Variants in ATP6V1C2 observed in about 807,000 individuals in gnomAD.
ATP6V1C2 encodes V-type proton ATPase subunit C 2.
In ATP6V1C2, 45 loss-of-function variants were observed where a neutral mutation model predicts 56.8. The observed-to-expected ratio is 0.79, with a 90% CI of 0.62 to 1.02. The LOEUF (loss-of-function observed/expected upper bound fraction) is 1.02, where lower values mean the gene tolerates loss of function less well. Ranked by LOEUF, ATP6V1C2 falls within the 50% of genes least tolerant of loss-of-function variation. The pLI, the probability that ATP6V1C2 is intolerant of heterozygous loss-of-function variation, is 0.00. For missense variants in ATP6V1C2, 463 were observed against 519.7 expected (o/e 0.89, Z 1.06); for synonymous variants, 220 against 201.3 (o/e 1.09, Z -0.79).
chr2:10,721,926 C>T (rs1469912603), intron 1 of ATP6V1C2, among the ~76,000 whole-genome samples, 195 bp downstream of exon 1: 2 of 152,230 alleles, frequency 1.3e-5, no homozygotes, highest in Non-Finnish European at 2.9e-5. Flanking sequence ...AGGCCATGGG[C>T]AGTCAAGGCG....
intron 12 of ATP6V1C2, among the ~76,000 whole-genome samples, chr2:10,779,877 A>G (rs1053418979): frequency 1.3e-5 from 2 of 152,046 alleles, no homozygotes; most frequent in Middle Eastern, 3.2e-3. Flanking sequence ...ACAGATTTTT[A>G]TGAAAGTGGA....
intron 3 of ATP6V1C2, among the ~76,000 whole-genome samples, chr2:10,734,721 C>G (rs1360529293): frequency 6.6e-6 from 1 of 152,140 alleles, no homozygotes; most frequent in Admixed American, 6.6e-5. Context: ...ACTCTGTGCC[C>G]TGGGCTTTCC....
intron 6 of ATP6V1C2, 68 bp downstream of exon 6, chr2:10,768,878 C>T (rs1664399975): frequency 1.5e-6 from 2 of 1,335,178 alleles, no homozygotes; most frequent in Non-Finnish European, 2.1e-6. Context: ...CTTGCCTGTC[C>T]TCTCACTGGG....
intron 4 of ATP6V1C2, among the ~76,000 whole-genome samples, chr2:10,758,346 C>T (rs763352380): frequency 4.6e-5 from 7 of 152,164 alleles, no homozygotes; most frequent in Non-Finnish European, 8.8e-5. Flanking sequence ...CAGCAGTGGC[C>T]TCTCTTCTCA....
intron 3 of ATP6V1C2, among the ~76,000 whole-genome samples, chr2:10,752,442 T>C (rs1340230239): frequency 6.6e-6 from 1 of 152,154 alleles, no homozygotes; most frequent in Non-Finnish European, 1.5e-5. Context: ...CCGCTCCTCC[T>C]GCAAACACCA....
intron 3 of ATP6V1C2, among the ~76,000 whole-genome samples, chr2:10,741,786 T>C (rs1662563872): frequency 6.6e-6 from 1 of 152,038 alleles, no homozygotes. Context: ...CTTAGTGGTT[T>C]TCTGGGGGCA....
At chr2:10,730,396 G>A (rs1409479238) in intron 3 of ATP6V1C2, among the ~76,000 whole-genome samples, 4 of 152,006 alleles carry the variant, frequency 2.6e-5, no homozygotes, top group Non-Finnish European at 4.4e-5. Flanking sequence ...GATTACAGGT[G>A]TGAGCCACTG....
Position 10,764,442 on chromosome 2 carries a change from C to T in ATP6V1C2, c.378+17C>T, listed in dbSNP as rs972515149. Reference sequence around the variant, plus strand: ...ATAGCCAAGGTGAGAAAAGGGACTGCTCTGGGGAACAGCTGACTGGTGGGT... The same window carrying T: ...ATAGCCAAGGTGAGAAAAGGGACTGTTCTGGGGAACAGCTGACTGGTGGGT... On this transcript the variant is annotated intron_variant, in intron 5 of 13. Transcript: ENST00000272238. The T allele has an allele frequency of 6.2e-7, 1 of 1,607,516 alleles. No homozygotes were observed. Among genetic ancestry groups the T allele is most frequent in the African/African-American group, 1.3e-5 (1 of 74,924 alleles).
At chr2:10,754,857 G>T (rs929228509) in intron 4 of ATP6V1C2, among the ~76,000 whole-genome samples, 1 of 151,996 alleles carries the variant, frequency 6.6e-6, no homozygotes, top group South Asian at 2.1e-4. Context: ...GATTACAGGC[G>T]TGAGCCACCG....
intron 3 of ATP6V1C2, among the ~76,000 whole-genome samples, chr2:10,742,416 A>G (rs1378954085): frequency 1.3e-5 from 2 of 152,130 alleles, no homozygotes; most frequent in South Asian, 2.1e-4. Flanking sequence ...CGGCCTGTGC[A>G]GTTTGCAGGG....
At chr2:10,721,275 C>A (rs1384673805), upstream of ATP6V1C2, among the ~76,000 whole-genome samples, 4 of 150,406 alleles carry the variant, frequency 2.7e-5, no homozygotes, top group African/African-American at 9.7e-5. Context: ...GGTGGGCAAG[C>A]GGGGCTGCGG....
chr2:10,770,512 G>T (rs1279836880), intron 6 of ATP6V1C2, among the ~76,000 whole-genome samples: 1 of 152,230 alleles, frequency 6.6e-6, no homozygotes, highest in Non-Finnish European at 1.5e-5. Context: ...CGCCGGGGCA[G>T]AGAGCCCTAA....
At position 10,728,371 on chromosome 2, in the gene ATP6V1C2, A is replaced by C. The variant is rs554752928; in HGVS notation, c.197+1802A>C. On this transcript the variant is annotated intron_variant, in intron 3 of 13. Coordinates refer to ENST00000272238, the MANE Select transcript of ATP6V1C2 (RefSeq NM_001039362.2). ...AGTGTTGGGATTACAGATGTGACTC[A>C]CCACATTCAGCCTTAAAATTAATTT... 5.9e-5 allele frequency among the ~76,000 whole-genome samples: 9 copies of C among 152,324 alleles called. No individual in the cohort carries two copies. The East Asian group carries it at 1.5e-3, about 26-fold the overall frequency.
intron 2 of ATP6V1C2, among the ~76,000 whole-genome samples, 196 bp from the exon 3 acceptor site, chr2:10,726,306 T>A (rs1171294480): frequency 2.0e-5 from 3 of 152,208 alleles, no homozygotes; most frequent in African/African-American, 2.4e-5. Context: ...GTTTATCCTG[T>A]TGGTCAAAAA....
Position 10,775,005 on chromosome 2 carries a change from T to C in ATP6V1C2, c.759T>C (p.Asp253=). ...TCACTGTTCGTGAATTTTACTATGA[T>C]GAGAAGGAAATTGAAAGGGAAAGGG... is the stretch of plus-strand genomic sequence containing the variant. ...NKFTVREFYY[D]EKEIEREREE... The change falls in exon 10 of 14, where the codon GAT becomes GAC. Residue 253 remains aspartate, a synonymous_variant. Transcript: ENST00000272238. 2 of 1,614,036 alleles carry C rather than the reference T, an allele frequency of 1.2e-6. No individual in the cohort carries two copies. The highest frequency in any genetic ancestry group is 1.7e-6 in the Non-Finnish European group (2 of 1,180,002).
At position 10,783,350 on chromosome 2, in the gene ATP6V1C2, T is replaced by C. The variant is rs1263205323; in HGVS notation, c.*87T>C. 1.2e-6 allele frequency: 1 copy of C among 832,176 alleles called. No homozygotes were observed. The highest frequency in any genetic ancestry group is 1.9e-6 in the Non-Finnish European group (1 of 517,760). 51.5% of individuals were successfully genotyped at this position (832,176 alleles called of 1,614,324 possible). On this transcript the variant is annotated 3_prime_UTR_variant, in exon 14 of 14. Coordinates refer to ENST00000272238, the MANE Select transcript of ATP6V1C2 (RefSeq NM_001039362.2). ...TAGCCAGAGAATGGTTCAAATGTCT[T>C]ACAGAACTAAGATCTTTTTCAGAGA...
chr2:10,768,943 C>T lies in ATP6V1C2; in HGVS notation c.470+133C>T, dbSNP rs1572591675. ...AGTGAGACAGACAGACAGGTGGAGG[C>T]ACTCTCACCTCTCCAAGAGCCGCGT... On this transcript the variant is annotated intron_variant, in intron 6 of 13. Coordinates refer to ENST00000272238, the MANE Select transcript of ATP6V1C2 (RefSeq NM_001039362.2). 15 of 705,154 alleles carry T rather than the reference C, an allele frequency of 2.1e-5. No individual in the cohort carries two copies. In the East Asian group the frequency reaches 4.1e-4, roughly 19 times the overall value. 43.7% of individuals were successfully genotyped at this position (705,154 alleles called of 1,614,324 possible).
intron 2 of ATP6V1C2, among the ~76,000 whole-genome samples, chr2:10,724,787 C>T (rs761027205): frequency 6.6e-6 from 1 of 151,616 alleles, no homozygotes; most frequent in Non-Finnish European, 1.5e-5. Context: ...ATTCTCCTGC[C>T]TCAGCCTCCC....
intron 2 of ATP6V1C2, among the ~76,000 whole-genome samples, chr2:10,724,990 C>T (rs16855524): frequency 0.016 from 2,386 of 152,046 alleles, 54 homozygotes; most frequent in African/African-American, 0.054. Flanking sequence ...TGAAATTCTG[C>T]CAAATCTCAG....
Sources: allele counts gnomAD v4.1 joint callset (sites outside exome capture counted in the v4.1 genomes callset), GRCh38; gene constraint gnomAD v4.1.1; transcripts MANE v1.5; gene names NCBI Gene and HGNC (gene_info 2026-07-23, HGNC 2026-07-21).